Variants in LCORL observed in about 807,000 individuals in gnomAD.
LCORL encodes the protein ligand-dependent nuclear receptor corepressor-like protein.
Under a neutral mutation model 141.8 loss-of-function variants are expected in LCORL, and 41 were observed. That is an observed-to-expected ratio of 0.29 (90% CI 0.23 to 0.38). The LOEUF (loss-of-function observed/expected upper bound fraction) is 0.38, where lower values mean the gene tolerates loss of function less well. Ranked by LOEUF, LCORL falls within the 10% of genes least tolerant of loss-of-function variation. The pLI is 1.00. For synonymous variants in LCORL, 618 were observed against 694.1 expected (o/e 0.89, Z 1.72); for missense variants, 1,759 against 2,035.0 (o/e 0.86, Z 2.61).
exon 8 of LCORL, chr4:17,843,242 T>TATAA: frequency 6.5e-7 from 1 of 1,544,850 alleles, no homozygotes; most frequent in Non-Finnish European, 8.8e-7. Context: ...AAGTTTTATT[T>TATAA]ATAAATAAAC....
At chr4:17,997,154 A>C (rs1297421625) in intron 1 of LCORL, among the ~76,000 whole-genome samples, 1 of 152,178 alleles carries the variant, frequency 6.6e-6, no homozygotes, top group Non-Finnish European at 1.5e-5. Flanking sequence ...AAACCGAACA[A>C]TTACCTAACC....
chr4:17,922,883 T>C (rs1313016355), intron 4 of LCORL, among the ~76,000 whole-genome samples: 2 of 151,998 alleles, frequency 1.3e-5, no homozygotes, highest in East Asian at 3.9e-4. Context: ...CCCCAACACA[T>C]CCCTTCCCCA....
intron 1 of LCORL, among the ~76,000 whole-genome samples, chr4:18,004,956 CTT>C (rs1722554831): frequency 6.6e-6 from 1 of 151,584 alleles, no homozygotes; most frequent in African/African-American, 2.4e-5. Context: ...GAGTTCCACT[CTT>C]GTTGCCCAGA....
chr4:17,983,232 T>C (rs1718334489), intron 1 of LCORL, among the ~76,000 whole-genome samples: 1 of 152,228 alleles, frequency 6.6e-6, no homozygotes, highest in African/African-American at 2.4e-5. Flanking sequence ...TGCTTAGGAT[T>C]GCCTTGGCTA....
intron 5 of LCORL, among the ~76,000 whole-genome samples, chr4:17,891,581 G>A (rs1267415508): frequency 6.6e-6 from 1 of 151,986 alleles, no homozygotes; most frequent in Admixed American, 6.6e-5. Flanking sequence ...TGCCAGTAAG[G>A]CATTAATAAA....
chr4:17,883,249 T>C (rs1486698913), intron 6 of LCORL: 2 of 985,634 alleles, frequency 2.0e-6, no homozygotes, highest in East Asian at 1.1e-4. Context: ...TAAACTTTGA[T>C]TGGTTGCTTG....
chr4:17,877,519 G>A lies in LCORL; in HGVS notation c.1471C>T (p.His491Tyr), dbSNP rs1368441855. ...TTAGTTTTAAGTATTTTATCTTGATGATCACTCTTATTGCTGCTGATTTCT... is the reference window on the plus strand; with the variant it reads ...TTAGTTTTAAGTATTTTATCTTGATAATCACTCTTATTGCTGCTGATTTCT... Residue 491 changes from histidine to tyrosine, a missense_variant, in exon 7 of 8, where the codon CAT becomes TAT. His to Tyr is a moderately conservative substitution (Grantham distance 83). This residue lies in a region of LCORL where 1,311 missense variants were observed against 1,531.3 expected (regional missense o/e 0.86). Coordinates refer to ENST00000635767, the Ensembl canonical transcript of LCORL. The A allele has an allele frequency of 3.3e-6, 4 of 1,229,888 alleles. No homozygotes were observed. In the Admixed American group the frequency reaches 1.3e-4, roughly 39 times the overall value. 76.2% of individuals were successfully genotyped at this position (1,229,888 alleles called of 1,614,324 possible). A position where few individuals can be genotyped will look rare whatever the true frequency, so the allele number is the denominator to read the frequency against.
intron 4 of LCORL, among the ~76,000 whole-genome samples, chr4:17,950,789 C>T (rs1351132217): frequency 4.6e-5 from 7 of 150,668 alleles, no homozygotes; most frequent in African/African-American, 1.2e-4. Context: ...TACTTGACAC[C>T]GAATCTTAAA....
chr4:17,881,348 A>G (rs1380259139), intron 6 of LCORL: 1 of 981,888 alleles, frequency 1.0e-6, no homozygotes, highest in African/African-American at 1.7e-5. Context: ...TAATAGAATC[A>G]CTGGGGAGAA....
At chr4:17,906,285 G>C (rs1210833065) in intron 5 of LCORL, among the ~76,000 whole-genome samples, 2 of 152,110 alleles carry the variant, frequency 1.3e-5, no homozygotes, top group African/African-American at 4.8e-5. Flanking sequence ...AAGAAAATCT[G>C]ATCTTGTTAC....
At chr4:17,955,553 G>T (rs1712439865) in intron 4 of LCORL, among the ~76,000 whole-genome samples, 1 of 152,080 alleles carries the variant, frequency 6.6e-6, no homozygotes, top group African/African-American at 2.4e-5. Context: ...AGAGTATATA[G>T]TATAATAGAA....
At chr4:17,998,985 A>AAAAATATATAT (rs1374815646) in intron 1 of LCORL, among the ~76,000 whole-genome samples, 60 of 57,884 alleles carry the variant, frequency 1.0e-3, no homozygotes, top group South Asian at 2.2e-3. Flanking sequence ...AAAAAAAAAA[A>AAAAATATATAT]ATATATATAT....
intron 4 of LCORL, among the ~76,000 whole-genome samples, chr4:17,929,936 G>A (rs1304023075): frequency 1.3e-5 from 2 of 152,096 alleles, no homozygotes; most frequent in African/African-American, 2.4e-5. Context: ...TTTGAAAAAT[G>A]GGCAAATGAT....
chr4:17,957,102 G>C (rs909888954), intron 4 of LCORL, among the ~76,000 whole-genome samples: 3 of 151,878 alleles, frequency 2.0e-5, no homozygotes, highest in African/African-American at 7.3e-5. Flanking sequence ...TAATGGAGAG[G>C]CCAGGGTGTT....
At chr4:17,875,714 A>C (rs1006866979) in exon 7 of LCORL, 1 of 1,231,236 alleles carries the variant, frequency 8.1e-7, no homozygotes, top group Non-Finnish European at 1.0e-6. Flanking sequence ...TTGGTCGCTT[A>C]ATCTGTTTCA....
chr4:17,974,983 T>A (rs1716672832), intron 1 of LCORL, among the ~76,000 whole-genome samples: 1 of 152,124 alleles, frequency 6.6e-6, no homozygotes, highest in Non-Finnish European at 1.5e-5. Context: ...ATTACTTGAC[T>A]AAAAATTGAG....
At chr4:17,842,843 G>C (rs541370405) in exon 8 of LCORL, 8 of 164,888 alleles carry the variant, frequency 4.9e-5, no homozygotes, top group South Asian at 1.5e-4. Context: ...AAATTGTATT[G>C]TGTGTATTTT....
chr4:18,008,324 T>C (rs62410186), intron 1 of LCORL, among the ~76,000 whole-genome samples: 7 of 152,166 alleles, frequency 4.6e-5, no homozygotes, highest in Non-Finnish European at 8.8e-5. Flanking sequence ...TGCATTCAAA[T>C]ACAGAAGTCC....
At chr4:17,994,890 G>A (rs1185911505) in intron 1 of LCORL, among the ~76,000 whole-genome samples, 1 of 152,058 alleles carries the variant, frequency 6.6e-6, no homozygotes. Context: ...GGCTATGCTA[G>A]CCCAATGCCT....
Sources: allele counts gnomAD v4.1 joint callset (sites outside exome capture counted in the v4.1 genomes callset), GRCh38; gene constraint gnomAD v4.1.1; regional missense constraint gnomAD v4.1.1; transcripts MANE v1.5; gene names NCBI Gene and HGNC (gene_info 2026-07-23, HGNC 2026-07-21).